The following LGMN variants were observed in gnomAD, a reference collection of about 807,000 sequenced individuals.
The protein encoded by LGMN is legumain.
Under a neutral mutation model 56.8 loss-of-function variants are expected in LGMN, and 36 were observed. The observed-to-expected ratio is 0.63, with a 90% CI of 0.49 to 0.84. The LOEUF (loss-of-function observed/expected upper bound fraction) is 0.84, where lower values mean the gene tolerates loss of function less well. Among genes scored for constraint, LGMN ranks in the 40% least tolerant of loss-of-function variants. LGMN has a pLI of 0.00. For synonymous variants in LGMN, 199 were observed against 210.1 expected (o/e 0.95, Z 0.46); for missense variants, 446 against 556.1 (o/e 0.80, Z 1.99).
intron 2 of LGMN, among the ~76,000 whole-genome samples, chr14:92,719,269 G>A (rs71419261): frequency 0.23 from 3,550 of 15,372 alleles, 131 homozygotes; most frequent in Non-Finnish European, 0.26. Flanking sequence ...CGCCACCGCC[G>A]CCGCCGCCAC....
intron 1 of LGMN, among the ~76,000 whole-genome samples, chr14:92,736,491 G>A (rs961563547): frequency 6.6e-6 from 1 of 152,086 alleles, no homozygotes; most frequent in Non-Finnish European, 1.5e-5. Context: ...AGCTACTCAG[G>A]AGGCTGAGGC....
At chr14:92,735,430 C>T (rs1185770718) in intron 1 of LGMN, among the ~76,000 whole-genome samples, 7 of 152,246 alleles carry the variant, frequency 4.6e-5, no homozygotes, top group Middle Eastern at 3.4e-3. Context: ...TGGTCTCAAA[C>T]GCCTGACTTT....
At chr14:92,744,051 G>A (rs1891702604) in intron 1 of LGMN, among the ~76,000 whole-genome samples, 1 of 152,026 alleles carries the variant, frequency 6.6e-6, no homozygotes, top group Non-Finnish European at 1.5e-5. Context: ...CTACTCGGGA[G>A]GCTGAGGAAG....
At chr14:92,719,323 GCCACCGCCA>G (rs1566924659) in intron 2 of LGMN, among the ~76,000 whole-genome samples, 3 of 41,636 alleles carry the variant, frequency 7.2e-5, no homozygotes, top group African/African-American at 2.4e-4. Flanking sequence ...CGCCGCCGCC[GCCACCGCCA>G]CCGCCATCAC....
Position 92,745,116 on chromosome 14 carries a change from A to T in LGMN, c.-30+3373T>A, listed in dbSNP as rs570107190. Among the ~76,000 whole-genome samples the T allele has an allele frequency of 6.6e-5, 10 of 152,306 alleles. No homozygotes were observed. In the East Asian group the frequency reaches 1.9e-3, roughly 29 times the overall value. The stretch of plus-strand genomic sequence containing the variant: ...AGTTTGAGACTGGCCTGGGCAAGAT[A>T]GTGAGACCCAGTCTCTACAAAAAAC... On this transcript the variant is annotated intron_variant, in intron 1 of 13. Transcript: ENST00000334869.
In LGMN at chr14:92,716,363, T is replaced by C. The variant is rs967496851; in HGVS notation, c.319-142A>G. On this transcript the variant is annotated intron_variant, in intron 4 of 13. Transcript: ENST00000334869. ...AGCAAACACTTTTGGTCGGGTGCCG[T>C]GGCTCACGCCTGTAATCCTAGCACT... 1.2e-5 allele frequency: 8 copies of C among 683,302 alleles called. No homozygotes were observed. The African/African-American group carries it at 1.2e-4, about 11-fold the overall frequency. 42.3% of individuals were successfully genotyped at this position (683,302 alleles called of 1,614,324 possible).
At chr14:92,739,482 A>G (rs937581360) in intron 1 of LGMN, among the ~76,000 whole-genome samples, 2 of 152,124 alleles carry the variant, frequency 1.3e-5, no homozygotes, top group African/African-American at 4.8e-5. Context: ...AATCCATCCA[A>G]CAAACACGGA....
At chr14:92,736,681 G>A (rs1361129848) in intron 1 of LGMN, among the ~76,000 whole-genome samples, 1 of 152,076 alleles carries the variant, frequency 6.6e-6, no homozygotes, top group Non-Finnish European at 1.5e-5. Context: ...GACCTTTCCT[G>A]GGTCTGTTTG....
chr14:92,728,314 T>C (rs1449357497), intron 2 of LGMN, among the ~76,000 whole-genome samples: 1 of 152,164 alleles, frequency 6.6e-6, no homozygotes, highest in Non-Finnish European at 1.5e-5. Context: ...CACGATAGGG[T>C]TCACGCTCCT....
chr14:92,732,674 T>C lies in LGMN; in HGVS notation c.113A>G (p.Asn38Ser). Residue 38 changes from asparagine (N) to serine (S), a missense_variant, in exon 2 of 14, where the codon AAT (asparagine) becomes AGT (serine). Transcript: ENST00000334869. ...CTGGTGCCTATAATTATACCAGCCATTTGAACCTGCCACGATCACCACCCA... is the reference window on the plus strand; with the variant it reads ...CTGGTGCCTATAATTATACCAGCCACTTGAACCTGCCACGATCACCACCCA... ...KHWVVIVAGS[N>S]GWYNYRHQAD... 6.2e-7 allele frequency: 1 copy of C among 1,614,106 alleles called. No homozygotes were observed. The highest frequency in any genetic ancestry group is 1.1e-5 in the South Asian group (1 of 91,088).
intron 1 of LGMN, among the ~76,000 whole-genome samples, chr14:92,737,300 G>A (rs187992017): frequency 7.3e-5 from 11 of 151,680 alleles, no homozygotes; most frequent in East Asian, 5.8e-4. Context: ...CCTTTTACCC[G>A]CCCCTCCTTC....
At chr14:92,739,151 C>G (rs552727734) in intron 1 of LGMN, among the ~76,000 whole-genome samples, 1 of 152,084 alleles carries the variant, frequency 6.6e-6, no homozygotes, top group Non-Finnish European at 1.5e-5. Flanking sequence ...AATGAACATG[C>G]CTCAAAGTAG....
intron 2 of LGMN, among the ~76,000 whole-genome samples, chr14:92,721,667 C>CT (rs1344288800): frequency 3.3e-5 from 5 of 152,214 alleles, no homozygotes; most frequent in African/African-American, 4.8e-5. Context: ...TAGCAAAACT[C>CT]TATCTCCCAC....
chr14:92,744,210 G>GT (rs1428877638), intron 1 of LGMN, among the ~76,000 whole-genome samples: 1 of 151,910 alleles, frequency 6.6e-6, no homozygotes, highest in Non-Finnish European at 1.5e-5. Flanking sequence ...GTTTATTGTT[G>GT]TTTTTTCCTA....
chr14:92,737,842 C>T (rs1165508257), intron 1 of LGMN, among the ~76,000 whole-genome samples: 2 of 152,152 alleles, frequency 1.3e-5, no homozygotes, highest in Non-Finnish European at 2.9e-5. Context: ...GTTTGTTTGG[C>T]CCATAGGTCA....
intron 12 of LGMN, chr14:92,705,048 C>T (rs185709048): frequency 1.3e-3 from 362 of 278,710 alleles, no homozygotes; most frequent in Middle Eastern, 5.6e-3. Flanking sequence ...GGGAGGGACA[C>T]GCCAGCGAGG....
At chr14:92,744,602 T>G (rs941688878) in intron 1 of LGMN, among the ~76,000 whole-genome samples, 3 of 151,226 alleles carry the variant, frequency 2.0e-5, no homozygotes, top group Non-Finnish European at 3.0e-5. Flanking sequence ...TAGTTTTTTT[T>G]TTTTTTTTTT....
chr14:92,712,057 G>T, intron 8 of LGMN, 102 bp from the exon 9 acceptor site: 1 of 894,292 alleles, frequency 1.1e-6, no homozygotes, highest in Non-Finnish European at 1.8e-6. Context: ...ATCGAAGCAT[G>T]CTACTTATGA....
intron 2 of LGMN, among the ~76,000 whole-genome samples, chr14:92,729,127 C>CT (rs55843490): frequency 0.026 from 2,830 of 110,154 alleles, 105 homozygotes; most frequent in African/African-American, 0.084. Context: ...CTCAGCTTTT[C>CT]TTTTTTTTTT....
Sources: gnomAD v4.1 joint callset for allele counts (sites outside exome capture counted in the v4.1 genomes callset) on GRCh38, gnomAD v4.1.1 for gene constraint, MANE v1.5 for transcripts, NCBI Gene and HGNC (gene_info 2026-07-23, HGNC 2026-07-21) for gene names.